The following MOV10 variants were observed in gnomAD, a reference collection of about 807,000 sequenced individuals.
MOV10 encodes the protein Mov10 RNA helicase.
In MOV10, 39 loss-of-function variants were observed where a neutral mutation model predicts 108.4. That is an observed-to-expected ratio of 0.36 (90% confidence interval 0.28 to 0.47). MOV10 has a LOEUF of 0.47. MOV10 is among the 20% of genes least tolerant of loss of function. The pLI, the probability that MOV10 is intolerant of heterozygous loss-of-function variation, is 1.00. For missense variants in MOV10, 952 were observed against 1,297.6 expected (o/e 0.73, Z 4.09); for synonymous variants, 490 against 523.1 (o/e 0.94, Z 0.86).
At chr1:112,693,967 CT>C in intron 7 of MOV10, 50 bp from the exon 8 acceptor site, 1 of 1,596,670 alleles carries the variant, frequency 6.3e-7, no homozygotes. Context: ...GGGCTGGGCC[CT>C]CCAGCGTCCA....
In MOV10 at chr1:112,698,751, AG is replaced by A; in HGVS notation, c.2548del (p.Glu850SerfsTer11). 6.2e-7 allele frequency: 1 copy of A among 1,614,158 alleles called. No individual in the cohort carries two copies. The highest frequency in any genetic ancestry group is 8.5e-7 in the Non-Finnish European group (1 of 1,180,006). ...CCGTTACTGCATCACCAAACTTGACAGGGAGCTTCGAGGACTGGATGACATC... is the reference window on the plus strand; with the variant it reads ...CCGTTACTGCATCACCAAACTTGACAGGAGCTTCGAGGACTGGATGACATC... ...KIRYCITKLD[R>X]ELRGLDDIKD... On this transcript the variant is annotated frameshift_variant, in exon 17 of 21. Coordinates refer to ENST00000369645, the MANE Select transcript of MOV10 (RefSeq NM_001321324.2). LOFTEE classifies it high-confidence loss of function.
At chr1:112,689,267 G>T in intron 3 of MOV10, 129 bp downstream of exon 3, 1 of 1,229,942 alleles carries the variant, frequency 8.1e-7, no homozygotes, top group Non-Finnish European at 1.2e-6. Context: ...AATGGGGGAA[G>T]GGCAGGGAAC....
intron 2 of MOV10, among the ~76,000 whole-genome samples, chr1:112,678,605 A>C (rs1672380805): frequency 6.6e-6 from 1 of 152,000 alleles, no homozygotes; most frequent in African/African-American, 2.4e-5. Flanking sequence ...GTGATATTTG[A>C]GTAGAATCTT....
In MOV10 at chr1:112,698,620, C is replaced by T. The variant is rs1398963945; in HGVS notation, c.2509-95C>T. 3.4e-6 allele frequency: 5 copies of T among 1,470,314 alleles called. No individual in the cohort carries two copies. The Admixed American group carries it at 6.8e-5, about 20-fold the overall frequency. 91.1% of individuals were successfully genotyped at this position (1,470,314 alleles called of 1,614,324 possible). A position where few individuals can be genotyped will look rare whatever the true frequency, so the allele number is the denominator to read the frequency against. Reference sequence around the variant, plus strand: ...AGAAGAGCACCAAGGTCAGCTGCCGCCTCCCTTTGTTCCCCAGCTCCCTGG... The same window carrying T: ...AGAAGAGCACCAAGGTCAGCTGCCGTCTCCCTTTGTTCCCCAGCTCCCTGG... On this transcript the variant is annotated intron_variant, in intron 16 of 20. Coordinates refer to ENST00000369645, the MANE Select transcript of MOV10 (RefSeq NM_001321324.2).
rs996909229 is a variant in MOV10 at position 112,693,955 on chromosome 1, G to A, written c.1141-63G>A. The stretch of plus-strand genomic sequence containing the variant: ...TGTCCCTTAAAGGTCTGGGGAACCT[G>A]GGGGCTGGGCCCTCCAGCGTCCATC... On this transcript the variant is annotated intron_variant, in intron 7 of 20. Coordinates refer to ENST00000369645, the MANE Select transcript of MOV10 (RefSeq NM_001321324.2). 8 of 1,534,104 alleles carry A rather than the reference G, an allele frequency of 5.2e-6. No individual in the cohort carries two copies. The South Asian group carries it at 5.6e-5, about 11-fold the overall frequency.
intron 2 of MOV10, among the ~76,000 whole-genome samples, chr1:112,681,363 G>A (rs1311803158): frequency 2.6e-5 from 4 of 152,000 alleles, no homozygotes; most frequent in East Asian, 3.9e-4. Flanking sequence ...GCGTGGTGGC[G>A]GGCGCCTGTA....
At chr1:112,697,791 G>T in intron 14 of MOV10, 1 of 615,874 alleles carries the variant, frequency 1.6e-6, no homozygotes, top group Non-Finnish European at 2.9e-6. Context: ...CCCTGGACTA[G>T]ATGCTCTCTG....
Position 112,689,856 on chromosome 1 carries a change from C to T in MOV10, c.594C>T (p.Leu198=), listed in dbSNP as rs1194934401. 6 of 1,614,056 alleles carry T rather than the reference C, an allele frequency of 3.7e-6. No individual in the cohort carries two copies. Among genetic ancestry groups the T allele is most frequent in the Non-Finnish European group, 4.2e-6 (5 of 1,180,028 alleles). ...CPLGPGECYE[L]HVHCKTSFVG... Reference sequence around the variant, plus strand: ...CTCCTCCAGGTGAATGCTATGAACTCCATGTCCATTGTAAGACCAGCTTTG... The same window carrying T: ...CTCCTCCAGGTGAATGCTATGAACTTCATGTCCATTGTAAGACCAGCTTTG... The change falls in exon 5 of 21, where the codon CTC becomes CTT. Residue 198 remains leucine (L), a synonymous_variant. Coordinates refer to ENST00000369645, the MANE Select transcript of MOV10 (RefSeq NM_001321324.2).
Position 112,694,102 on chromosome 1 carries a change from G to A in MOV10, c.1225G>A (p.Asp409Asn). 1 of 1,614,116 alleles carries A rather than the reference G, an allele frequency of 6.2e-7. No individual in the cohort carries two copies. The highest frequency in any genetic ancestry group is 8.5e-7 in the Non-Finnish European group (1 of 1,180,000). ...ALLSSETHQE[D>N]PITYKGFVHK... ...TTTGTCCTCGGAGACACACCAGGAG[G>A]ACCCCATCACATATAAGGGCTTTGT... The change falls in exon 8 of 21, where the codon GAC becomes AAC. Residue 409 changes from aspartate (D) to asparagine (N), a missense_variant. Asp to Asn is a conservative substitution (Grantham distance 23, BLOSUM62 1). Transcript: ENST00000369645. This position sits in a 1 kb window ranked among gnomAD's most constrained non-coding sequence, Gnocchi z 4.1.
At chr1:112,688,486 CCAA>C in intron 2 of MOV10, 1 of 1,063,776 alleles carries the variant, frequency 9.4e-7, no homozygotes, top group South Asian at 3.1e-5. Context: ...TCTCTCCTCA[CCAA>C]CAGGCTGGAC....
chr1:112,692,887 C>G lies in MOV10; in HGVS notation c.1098C>G (p.Thr366=), dbSNP rs765604013. The change falls in exon 7 of 21, where the codon ACC becomes ACG. Residue 366 remains threonine, a synonymous_variant. Transcript: ENST00000369645. ...ATGACCTGGAGTCGGTGCCCATGAC[C>G]TGGGACCCTGTGGACCAGAACCCCA... ...RHYDLESVPM[T]WDPVDQNPRL... is the part of the protein sequence containing the mutation. 6.2e-7 allele frequency: 1 copy of G among 1,613,246 alleles called. No homozygotes were observed. The highest frequency in any genetic ancestry group is 8.5e-7 in the Non-Finnish European group (1 of 1,179,688).
intron 2 of MOV10, among the ~76,000 whole-genome samples, chr1:112,687,294 G>C (rs1320811757): frequency 6.6e-6 from 1 of 152,150 alleles, no homozygotes; most frequent in African/African-American, 2.4e-5. Flanking sequence ...TCATTTGCTT[G>C]GGGTGAAGGA....
At chr1:112,690,266 T>G (rs1673464568) in intron 5 of MOV10, among the ~76,000 whole-genome samples, 168 bp downstream of exon 5, 1 of 152,254 alleles carries the variant, frequency 6.6e-6, no homozygotes, top group Non-Finnish European at 1.5e-5. Context: ...GCAGATGAAC[T>G]GCAGATCTGA....
chr1:112,674,842 T>G lies in MOV10; in HGVS notation c.-65-6T>G. ...GCACCCTCATCTCAGGGCCGCCAACTTCCAGCTGCAGCGGCGACTTTCAGT... is the reference window on the plus strand; with the variant it reads ...GCACCCTCATCTCAGGGCCGCCAACGTCCAGCTGCAGCGGCGACTTTCAGT... On this transcript the variant is annotated splice_region_variant and splice_polypyrimidine_tract_variant and intron_variant, in intron 1 of 20. Transcript: ENST00000369645. 6.8e-7 allele frequency: 1 copy of G among 1,480,878 alleles called. No individual in the cohort carries two copies. The highest frequency in any genetic ancestry group is 9.0e-7 in the Non-Finnish European group (1 of 1,113,942). 91.7% of individuals were successfully genotyped at this position (1,480,878 alleles called of 1,614,324 possible).
chr1:112,681,472 C>T (rs901794017), intron 2 of MOV10, among the ~76,000 whole-genome samples: 4 of 152,026 alleles, frequency 2.6e-5, no homozygotes, highest in East Asian at 1.9e-4. Flanking sequence ...CCAGCCCGGG[C>T]GACAGACCAA....
Position 112,694,526 on chromosome 1 carries a change from C to T in MOV10, c.1369C>T (p.Gln457Ter). Reference sequence around the variant, plus strand: ...CTTCAACCGCCAGCCGCTGCGAGTCCAGCACCGTGCCCTGGAGCTGACAGG... The same window carrying T: ...CTTCAACCGCCAGCCGCTGCGAGTCTAGCACCGTGCCCTGGAGCTGACAGG... ...FTFNRQPLRV[Q>*]HRALELTGRW... The change falls in exon 9 of 21, where the codon CAG becomes TAG. Residue 457 changes from glutamine (Q) to a stop codon, truncating the protein, a stop_gained. Transcript: ENST00000369645. LOFTEE classifies it high-confidence loss of function. This position sits in a 1 kb window ranked among gnomAD's most constrained non-coding sequence, Gnocchi z 4.1. 1 of 1,614,154 alleles carries T rather than the reference C, an allele frequency of 6.2e-7. No individual in the cohort carries two copies. The highest frequency in any genetic ancestry group is 8.5e-7 in the Non-Finnish European group (1 of 1,180,028).
chr1:112,685,750 A>G (rs1189139378), intron 2 of MOV10, among the ~76,000 whole-genome samples: 1 of 151,986 alleles, frequency 6.6e-6, no homozygotes, highest in Non-Finnish European at 1.5e-5. Context: ...TTTTCCGACA[A>G]GAATATAATA....
chr1:112,697,942 G>A, intron 14 of MOV10, 52 bp from the exon 15 acceptor site: 3 of 1,495,230 alleles, frequency 2.0e-6, no homozygotes, highest in Non-Finnish European at 2.8e-6. Flanking sequence ...AGCCCCTGTA[G>A]GGCAGAGGGA....
intron 2 of MOV10, 77 bp from the exon 3 acceptor site, chr1:112,688,858 T>A: frequency 6.3e-7 from 1 of 1,599,802 alleles, no homozygotes; most frequent in Non-Finnish European, 8.5e-7. Context: ...GACCCTCCGA[T>A]GCCCTTTCCC....
Sources: gnomAD v4.1 joint callset for allele counts (sites outside exome capture counted in the v4.1 genomes callset) on GRCh38, gnomAD v4.1.1 for gene constraint, Gnocchi (gnomAD v3.1) non-coding constraint, MANE v1.5 for transcripts, NCBI Gene and HGNC (gene_info 2026-07-23, HGNC 2026-07-21) for gene names.